WDR41: variants seen among roughly 807,000 people sequenced by gnomAD.
WDR41 encodes WD repeat domain 41.
Under a neutral mutation model 69.3 loss-of-function variants are expected in WDR41, and 63 were observed. The ratio of observed to expected loss-of-function variants is 0.91; its 90% CI spans 0.74 to 1.12. The LOEUF (loss-of-function observed/expected upper bound fraction) is 1.12, where lower values mean the gene tolerates loss of function less well. Ranked by LOEUF, WDR41 falls within the 50% of genes most tolerant of loss-of-function variation. WDR41 has a pLI of 0.00. For missense variants in WDR41, 543 were observed against 534.5 expected (o/e 1.02, Z -0.16); for synonymous variants, 185 against 192.1 (o/e 0.96, Z 0.31).
intron 1 of WDR41, among the ~76,000 whole-genome samples, chr5:77,504,568 CA>C (rs1466021372): frequency 6.6e-6 from 1 of 151,922 alleles, no homozygotes. Flanking sequence ...AGAGACACAA[CA>C]AAAAAAGAGA....
chr5:77,472,327 G>C (rs1224703074), intron 2 of WDR41, among the ~76,000 whole-genome samples: 6 of 151,974 alleles, frequency 3.9e-5, no homozygotes, highest in African/African-American at 1.5e-4. Flanking sequence ...ATACTGAATG[G>C]GCAAAAACTG....
rs144283416 is a variant in WDR41, at chr5:77,604,651, C to T, written c.42+15828G>A. Among the ~76,000 whole-genome samples the T allele has an allele frequency of 9.5e-3, 1,442 of 152,220 alleles. 16 individuals are homozygous for T. Among genetic ancestry groups the T allele is most frequent in the Non-Finnish European group, 0.016 (1,084 of 68,010 alleles). On this transcript the variant is annotated intron_variant, in intron 1 of 5. Transcript: ENST00000509971. The stretch of plus-strand genomic sequence containing the variant: ...TAGCAACTCTACTTCTAGAAATTAT[C>T]CAATGAATATATTCAGGCACATGAA...
intron 2 of WDR41, among the ~76,000 whole-genome samples, chr5:77,486,898 A>C (rs35648592): frequency 0.57 from 86,553 of 151,864 alleles, 26,570 homozygotes; most frequent in African/African-American, 0.8. Context: ...CAGAGCATAT[A>C]GGTAACTAAC....
At chr5:77,496,973 T>C (rs1460938367), upstream of WDR41, among the ~76,000 whole-genome samples, 1 of 152,150 alleles carries the variant, frequency 6.6e-6, no homozygotes, top group Non-Finnish European at 1.5e-5. Flanking sequence ...TTTTGACAAG[T>C]GTACTAAGAC....
intron 1 of WDR41, among the ~76,000 whole-genome samples, chr5:77,533,173 C>A (rs561621103): frequency 3.9e-5 from 6 of 152,136 alleles, no homozygotes; most frequent in Non-Finnish European, 8.8e-5. Flanking sequence ...TACCACCTGG[C>A]GGCCCCACTT....
intron 1 of WDR41, among the ~76,000 whole-genome samples, chr5:77,619,169 T>A (rs184553601): frequency 1.3e-5 from 2 of 152,366 alleles, no homozygotes; most frequent in East Asian, 3.9e-4. Context: ...AATATGATTT[T>A]TACTTTTACA....
At chr5:77,604,716 A>C (rs1364010470) in intron 1 of WDR41, among the ~76,000 whole-genome samples, 1 of 152,228 alleles carries the variant, frequency 6.6e-6, no homozygotes, top group African/African-American at 2.4e-5. Flanking sequence ...TAATTATAAT[A>C]GGAAAAGACC....
At chr5:77,449,136 G>A (rs1208201420) in intron 8 of WDR41, among the ~76,000 whole-genome samples, 1 of 152,142 alleles carries the variant, frequency 6.6e-6, no homozygotes, top group Non-Finnish European at 1.5e-5. Flanking sequence ...AAGATCAGTG[G>A]TTTGTGATCT....
At chr5:77,483,772 T>C (rs1353298819) in intron 2 of WDR41, among the ~76,000 whole-genome samples, 1 of 152,170 alleles carries the variant, frequency 6.6e-6, no homozygotes, top group African/African-American at 2.4e-5. Flanking sequence ...AGAAAGGCAG[T>C]ATAGATTTTG....
Position 77,443,876 on chromosome 5 carries a change from CTTTTTT to C in WDR41, c.698-2885_698-2880del, listed in dbSNP as rs746105630. Among the ~76,000 whole-genome samples the C allele has an allele frequency of 1.6e-3, 163 of 105,018 alleles. 2 individuals are homozygous for C. The highest frequency in any genetic ancestry group is 3.8e-3 in the Admixed American group (33 of 8,684). 68.9% of individuals were successfully genotyped at this position (105,018 alleles called of 152,430 possible). A position where few individuals can be genotyped will look rare whatever the true frequency, so the allele number is the denominator to read the frequency against. On this transcript the variant is annotated intron_variant, in intron 8 of 12. Transcript: ENST00000296679. ...AATACGGCATTCAGCTCAATCAGCA[CTTTTTT>C]TTTTTTTTTTTTTTTTTTGAAATGA...
chr5:77,582,747 G>A (rs1389427907), intron 1 of WDR41: 5 of 1,594,522 alleles, frequency 3.1e-6, no homozygotes, highest in Non-Finnish European at 4.3e-6. Flanking sequence ...CCTTTGTGAA[G>A]CTCAACAAGG....
intron 2 of WDR41, among the ~76,000 whole-genome samples, chr5:77,467,501 C>T (rs2162699): frequency 0.054 from 8,133 of 152,010 alleles, 357 homozygotes; most frequent in Admixed American, 0.13. Context: ...GGAAAACATA[C>T]TGCCAATTAC....
intron 1 of WDR41, 184 bp downstream of exon 1, chr5:77,491,986 T>C (rs1247775613): frequency 2.8e-5 from 20 of 722,522 alleles, no homozygotes; most frequent in Admixed American, 9.5e-5. Flanking sequence ...CCGCCGGGTC[T>C]GAGGAGCTCC....
At chr5:77,586,107 A>T (rs1311653800) in intron 1 of WDR41, among the ~76,000 whole-genome samples, 1 of 152,166 alleles carries the variant, frequency 6.6e-6, no homozygotes, top group African/African-American at 2.4e-5. Flanking sequence ...TTTTTTAACC[A>T]TGGCAGTTTA....
At chr5:77,500,905 G>A (rs1802007704) in intron 1 of WDR41, among the ~76,000 whole-genome samples, 2 of 152,314 alleles carry the variant, frequency 1.3e-5, no homozygotes, top group Admixed American at 6.5e-5. Context: ...ATTTCAGGAG[G>A]TTCCAAGATG....
intron 1 of WDR41, among the ~76,000 whole-genome samples, chr5:77,512,065 T>C (rs531315343): frequency 9.2e-5 from 14 of 152,324 alleles, no homozygotes; most frequent in African/African-American, 3.4e-4. Context: ...CAATATTATG[T>C]CTTTATCTAG....
At chr5:77,568,562 C>T (rs1418982057) in intron 1 of WDR41, among the ~76,000 whole-genome samples, 1 of 152,092 alleles carries the variant, frequency 6.6e-6, no homozygotes, top group South Asian at 2.1e-4. Context: ...AATAGCAACT[C>T]CTCGCACAGG....
At chr5:77,599,543 C>T (rs1248579883) in intron 1 of WDR41, among the ~76,000 whole-genome samples, 2 of 152,032 alleles carry the variant, frequency 1.3e-5, no homozygotes, top group African/African-American at 2.4e-5. Context: ...ACACAGACAG[C>T]TAGCTAGCAA....
intron 1 of WDR41, among the ~76,000 whole-genome samples, chr5:77,528,675 T>C (rs1442788420): frequency 6.6e-6 from 1 of 151,660 alleles, no homozygotes. Flanking sequence ...ATGGAAAGAA[T>C]AACATAATAT....
Sources: allele counts gnomAD v4.1 joint callset (sites outside exome capture counted in the v4.1 genomes callset), GRCh38; gene constraint gnomAD v4.1.1; transcripts MANE v1.5; gene names NCBI Gene and HGNC (gene_info 2026-07-23, HGNC 2026-07-21).